The following MYH3 variants were observed in gnomAD, a reference collection of about 807,000 sequenced individuals.
The protein encoded by MYH3 is myosin-3.
MYH3 carries 130 observed loss-of-function variants against 238.0 expected under a neutral mutation model. That is an observed-to-expected ratio of 0.55 (90% CI 0.47 to 0.63). The LOEUF (loss-of-function observed/expected upper bound fraction) is 0.63, where lower values mean the gene tolerates loss of function less well. Ranked by LOEUF, MYH3 falls within the 30% of genes least tolerant of loss-of-function variation. The pLI is 0.00. For synonymous variants in MYH3, 880 were observed against 924.1 expected (o/e 0.95, Z 0.86); for missense variants, 1,853 against 2,374.9 (o/e 0.78, Z 4.57).
intron 4 of MYH3, 168 bp from the exon 5 acceptor site, chr17:10,651,836 C>T (rs976894243): frequency 2.2e-5 from 20 of 927,644 alleles, no homozygotes; most frequent in South Asian, 3.5e-5. Context: ...CTCCACCTCC[C>T]GGGTTCAAGC....
chr17:10,677,381 C>T, the MYH3 span: 4 of 152,044 alleles, frequency 2.6e-5, no homozygotes, highest in South Asian at 2.1e-4. Context: ...AACAAATGCT[C>T]GCATGGGTGA....
At chr17:10,643,839 T>C (rs2074295444) in intron 14 of MYH3, among the ~76,000 whole-genome samples, 1 of 152,210 alleles carries the variant, frequency 6.6e-6, no homozygotes, top group African/African-American at 2.4e-5. Context: ...AAATTCCACT[T>C]GATAGACATC....
In MYH3 at chr17:10,641,379, G is replaced by GAA. The variant is rs3216884; in HGVS notation, c.1960-9_1960-8dup. 76 of 1,519,692 alleles carry GAA rather than the reference G, an allele frequency of 5.0e-5. No homozygotes were observed. Among genetic ancestry groups the GAA allele is most frequent in the African/African-American group, 6.9e-5 (5 of 72,182 alleles). The allele number at this position is 1,519,692 out of a possible 1,614,324, so 94.1% of individuals were successfully genotyped here. On this transcript the variant is annotated splice_region_variant and splice_polypyrimidine_tract_variant and intron_variant, in intron 17 of 40. Coordinates refer to ENST00000583535, the MANE Select transcript of MYH3 (RefSeq NM_002470.4). ...TCAGCTTGTTCAGGTTTTCCTAAGA[G>GAA]AAAAAAAAAATGACATTTGCCATCC...
intron 2 of MYH3, among the ~76,000 whole-genome samples, chr17:10,655,396 C>T (rs116974746): frequency 0.019 from 2,856 of 152,316 alleles, 43 homozygotes; most frequent in Non-Finnish European, 0.027. Context: ...CCGCCTTTTC[C>T]GCTTCTGTGA....
chr17:10,649,559 T>C lies in MYH3; in HGVS notation c.642+18A>G, dbSNP rs2074355549. 1 of 1,598,730 alleles carries C rather than the reference T, an allele frequency of 6.3e-7. No individual in the cohort carries two copies. Among genetic ancestry groups the C allele is most frequent in the African/African-American group, 1.3e-5 (1 of 74,726 alleles). On this transcript the variant is annotated intron_variant, in intron 7 of 40. Transcript: ENST00000583535. ...GTTAAAAGTGGAAGCAAAGCAAGCC[T>C]TCCTCTCCCATCTATACCTTCATTT...
the MYH3 span, among the ~76,000 whole-genome samples, chr17:10,665,521 A>G: frequency 1.5e-3 from 233 of 152,334 alleles, no homozygotes; most frequent in African/African-American, 5.3e-3. Flanking sequence ...TCACCCGAAG[A>G]GCTGTTTGTA....
At chr17:10,651,987 C>G in intron 4 of MYH3, 1 of 393,198 alleles carries the variant, frequency 2.5e-6, no homozygotes, top group Non-Finnish European at 4.8e-6. Context: ...ATGATCCACC[C>G]GCCTTACCCT....
intron 2 of MYH3, 126 bp from the exon 3 acceptor site, chr17:10,655,198 G>A (rs2074416111): frequency 3.9e-6 from 3 of 764,812 alleles, no homozygotes; most frequent in Non-Finnish European, 6.9e-6. Flanking sequence ...AGGGCCCCAG[G>A]AACCAGGCTG....
At position 10,642,529 on chromosome 17, in the gene MYH3, T is replaced by C; in HGVS notation, c.1776A>G (p.Ser592=). Residue 592 remains serine, a synonymous_variant, in exon 16 of 41, where the codon TCA becomes TCG. Coordinates refer to ENST00000583535, the MANE Select transcript of MYH3 (RefSeq NM_002470.4). This position sits in a 1 kb window ranked among gnomAD's most constrained non-coding sequence, Gnocchi z 5.4. ...HYAGTVDYSV[S]GWLEKNKDPL... is the part of the protein sequence containing the mutation. ...GGTCCTTGTTCTTCTCCAGCCAACC[T>C]GAGACACTGTAGTCCACGGTGCCCG... The C allele has an allele frequency of 6.2e-7, 1 of 1,614,212 alleles. No homozygotes were observed. The highest frequency in any genetic ancestry group is 8.5e-7 in the Non-Finnish European group (1 of 1,180,040).
Position 10,655,035 on chromosome 17 carries a change from G to T in MYH3, c.30C>A (p.Phe10Leu), listed in dbSNP as rs201428362. 6.2e-7 allele frequency: 1 copy of T among 1,614,150 alleles called. No individual in the cohort carries two copies. Among genetic ancestry groups the T allele is most frequent in the Non-Finnish European group, 8.5e-7 (1 of 1,180,028 alleles). MSSDTEMEVFGIAAPFLRKS... is the reference protein window; with the variant it reads MSSDTEMEVLGIAAPFLRKS... ...TCCGGAGGAAAGGAGCAGCTATGCC[G>T]AACACTTCCATTTCAGTGTCACTAC... is the stretch of plus-strand genomic sequence containing the variant. The change falls in exon 3 of 41, where the codon TTC becomes TTA. Residue 10 changes from phenylalanine to leucine, a missense_variant. By Grantham distance (22) the Phe-to-Leu change is conservative (BLOSUM62 0). This residue lies in a region of MYH3 where 131 missense variants were observed against 123.5 expected (regional missense o/e 1.06). Transcript: ENST00000583535.
chr17:10,675,065 ACT>A, the MYH3 span: 2 of 152,194 alleles, frequency 1.3e-5, no homozygotes, highest in Non-Finnish European at 1.5e-5. Context: ...TCTAAAAGCC[ACT>A]GAGCAAACTT....
Position 10,632,036 on chromosome 17 carries a change from C to T in MYH3, c.4957-20G>A. 1 of 1,611,360 alleles carries T rather than the reference C, an allele frequency of 6.2e-7. No individual in the cohort carries two copies. The highest frequency in any genetic ancestry group is 8.5e-7 in the Non-Finnish European group (1 of 1,179,732). ...CGTATCCTAGCCAGAGAAAAACGAA[C>T]ATTCTATTTGAAGTTGAGGCGTTAG... is the stretch of plus-strand genomic sequence containing the variant. On this transcript the variant is annotated intron_variant, in intron 34 of 40. Transcript: ENST00000583535.
the MYH3 span, chr17:10,673,531 G>A: frequency 1.3e-5 from 2 of 152,350 alleles, no homozygotes; most frequent in East Asian, 1.9e-4. Flanking sequence ...AATCCTTGCA[G>A]GGCTCTCTGC....
chr17:10,634,663 C>T (rs1214397465), intron 31 of MYH3, among the ~76,000 whole-genome samples, 177 bp downstream of exon 31: 2 of 152,180 alleles, frequency 1.3e-5, no homozygotes, highest in Non-Finnish European at 2.9e-5. Flanking sequence ...TACCCCCAGC[C>T]CATTCCCATT....
Position 10,635,548 on chromosome 17 carries a change from C to T in MYH3, c.3991G>A (p.Ala1331Thr). ...TGGCGGGAGGACTGCAGGGCGTGCGCCAGGGCGTTCTTGGCCTGCAGAAGT... is the reference window on the plus strand; with the variant it reads ...TGGCGGGAGGACTGCAGGGCGTGCGTCAGGGCGTTCTTGGCCTGCAGAAGT... ...EEENKAKNAL[A>T]HALQSSRHDC... The change falls in exon 30 of 41, where the codon GCG becomes ACG. Residue 1331 changes from alanine to threonine, a missense_variant. Physicochemically the swap from Ala to Thr is moderately conservative, Grantham distance 58. Transcript: ENST00000583535. The T allele has an allele frequency of 6.2e-7, 1 of 1,614,222 alleles. No homozygotes were observed. Among genetic ancestry groups the T allele is most frequent in the Non-Finnish European group, 8.5e-7 (1 of 1,180,040 alleles).
the MYH3 span, chr17:10,672,965 G>C: frequency 6.6e-6 from 1 of 151,804 alleles, no homozygotes; most frequent in Non-Finnish European, 1.5e-5. Flanking sequence ...TTGGCACTTT[G>C]GGGCCTCATG....
intron 10 of MYH3, among the ~76,000 whole-genome samples, chr17:10,646,515 G>A (rs2074322921): frequency 6.6e-6 from 1 of 152,186 alleles, no homozygotes; most frequent in Admixed American, 6.5e-5. Flanking sequence ...CAGACAAGGG[G>A]CAGTGTGCAG....
chr17:10,651,958 G>C (rs1363993343), intron 4 of MYH3: 2 of 413,050 alleles, frequency 4.8e-6, no homozygotes, highest in South Asian at 2.2e-5. Flanking sequence ...GGCCAGAATG[G>C]TCTCGATCTC....
In MYH3 at chr17:10,645,749, G is replaced by A. The variant is rs1275062760; in HGVS notation, c.1099C>T (p.Gln367Ter). ...TCGGCCTGCTCCTCTCGCTGCTTCT[G>A]CTTGAACTTCATGTTCCCGTAGTGC... ...VMHYGNMKFK[Q>*]KQREEQAEPD... Residue 367 changes from glutamine (Q) to a stop codon, truncating the protein, a stop_gained, in exon 12 of 41, where the codon CAG becomes TAG. Coordinates refer to ENST00000583535, the MANE Select transcript of MYH3 (RefSeq NM_002470.4). LOFTEE classifies it high-confidence loss of function. 6.2e-7 allele frequency: 1 copy of A among 1,613,668 alleles called. No homozygotes were observed. The highest frequency in any genetic ancestry group is 8.5e-7 in the Non-Finnish European group (1 of 1,180,010).
Sources: gnomAD v4.1 joint callset for allele counts (sites outside exome capture counted in the v4.1 genomes callset) on GRCh38, gnomAD v4.1.1 for gene constraint, gnomAD v4.1.1 regional missense constraint, Gnocchi (gnomAD v3.1) non-coding constraint, MANE v1.5 for transcripts, NCBI Gene and HGNC (gene_info 2026-07-23, HGNC 2026-07-21) for gene names.